ISOC2: variants seen among roughly 807,000 people sequenced by gnomAD.
ISOC2 encodes isochorismatase domain-containing protein 2.
In ISOC2, 15 loss-of-function variants were observed where a neutral mutation model predicts 19.3. That is an observed-to-expected ratio of 0.78 (90% CI 0.52 to 1.20). ISOC2 has a LOEUF of 1.20. Ranked by LOEUF, ISOC2 falls within the 50% of genes most tolerant of loss-of-function variation. The pLI, the probability that ISOC2 is intolerant of heterozygous loss-of-function variation, is 0.00. For synonymous variants in ISOC2, 106 were observed against 115.8 expected (o/e 0.92, Z 0.54); for missense variants, 285 against 272.4 (o/e 1.05, Z -0.33).
intron 5 of ISOC2, 144 bp from the exon 6 acceptor site, chr19:55,453,532 C>G (rs1268634112): frequency 1.9e-6 from 1 of 537,702 alleles, no homozygotes; most frequent in Non-Finnish European, 3.2e-6. Context: ...CTTCTCAAGA[C>G]TTTTCCTGGG....
chr19:55,457,543 A>G (rs1261521724), intron 1 of ISOC2, among the ~76,000 whole-genome samples: 1 of 151,402 alleles, frequency 6.6e-6, no homozygotes, highest in Non-Finnish European at 1.5e-5. Flanking sequence ...TCAAAAAAAA[A>G]AGAGACTGGG....
At chr19:55,454,902 C>T in intron 5 of ISOC2, 87 bp downstream of exon 5, 1 of 1,007,822 alleles carries the variant, frequency 9.9e-7, no homozygotes, top group Non-Finnish European at 1.6e-6. Flanking sequence ...AGGCGGCAGC[C>T]TGCTGGTGCC....
chr19:55,453,276 AGGGT>A lies in ISOC2; in HGVS notation c.*28_*31del. ...CTTCCACTGAGGTCCGGGTGACAGG[AGGGT>A]GGTCTTCCCTCAAGGCAGGGTTGGA... On this transcript the variant is annotated 3_prime_UTR_variant, in exon 6 of 6. Transcript: ENST00000425675. The A allele has an allele frequency of 6.5e-7, 1 of 1,528,730 alleles. No homozygotes were observed. The highest frequency in any genetic ancestry group is 9.0e-7 in the Non-Finnish European group (1 of 1,117,154). 94.7% of individuals were successfully genotyped at this position (1,528,730 alleles called of 1,614,324 possible).
rs1986027666 is a variant in ISOC2 at position 55,455,628 on chromosome 19, C to T, written c.348+8G>A. The T allele has an allele frequency of 1.9e-6, 3 of 1,577,940 alleles. No homozygotes were observed. The highest frequency in any genetic ancestry group is 1.3e-5 in the African/African-American group (1 of 74,154). On this transcript the variant is annotated splice_region_variant and intron_variant, in intron 3 of 5. Coordinates refer to ENST00000425675, the MANE Select transcript of ISOC2 (RefSeq NM_001136201.2). Reference sequence around the variant, plus strand: ...ACGAGGGACCCCTGGGGTCAGTCAGCATCTCACCAAGATGCAGGCCTGTGC... The same window carrying T: ...ACGAGGGACCCCTGGGGTCAGTCAGTATCTCACCAAGATGCAGGCCTGTGC...
intron 1 of ISOC2, chr19:55,459,978 C>A (rs1297184549): frequency 6.6e-6 from 1 of 152,198 alleles, no homozygotes; most frequent in Non-Finnish European, 1.5e-5. Flanking sequence ...ACAACAACTC[C>A]TAGGGACAGC....
rs181907078 is a variant in ISOC2, at chr19:55,457,426, C to T, written c.-3-937G>A. Among the ~76,000 whole-genome samples the T allele has an allele frequency of 2.3e-3, 342 of 151,634 alleles. 1 individual carries two copies. The highest frequency in any genetic ancestry group is 8.1e-3 in the African/African-American group (333 of 41,304). ...GGCGGGTGCCTGTAACCCAGCTGCT[C>T]GGGAGGCTGAGGCAGGAGAATCGCT... is the stretch of plus-strand genomic sequence containing the variant. On this transcript the variant is annotated intron_variant, in intron 1 of 5. Transcript: ENST00000425675.
chr19:55,461,425 G>C (rs1246952102), intron 1 of ISOC2, 87 bp downstream of exon 1: 2 of 152,274 alleles, frequency 1.3e-5, no homozygotes, highest in African/African-American at 4.8e-5. Context: ...ACCTTGGCCC[G>C]GGACGCCCAG....
chr19:55,455,288 C>T lies in ISOC2; in HGVS notation c.391G>A (p.Val131Met). Residue 131 changes from valine to methionine, a missense_variant, in exon 4 of 6, where the codon GTG becomes ATG. Physicochemically the swap from Val to Met is conservative, Grantham distance 21 (BLOSUM62 1). Transcript: ENST00000425675. Reference protein sequence around the residue: ...DLLDRGLQVHVVVDACSSRSQ... With the variant: ...DLLDRGLQVHMVVDACSSRSQ... Reference sequence around the variant, plus strand: ...CGTGAGGAGCAGGCGTCCACCACCACATGGACCTGCAGCCCCCGGTCTAGG... The same window carrying T: ...CGTGAGGAGCAGGCGTCCACCACCATATGGACCTGCAGCCCCCGGTCTAGG... 1 of 1,613,542 alleles carries T rather than the reference C, an allele frequency of 6.2e-7. No homozygotes were observed. The highest frequency in any genetic ancestry group is 8.5e-7 in the Non-Finnish European group (1 of 1,179,692).
chr19:55,454,781 C>CA (rs776634376), intron 5 of ISOC2: 329 of 590,696 alleles, frequency 5.6e-4, no homozygotes, highest in Non-Finnish European at 7.6e-4. Context: ...ATTGCCTCCC[C>CA]CATTTTATTG....
intron 1 of ISOC2, among the ~76,000 whole-genome samples, chr19:55,457,890 G>A (rs1986112991): frequency 6.6e-6 from 1 of 151,896 alleles, no homozygotes; most frequent in Non-Finnish European, 1.5e-5. Flanking sequence ...CTGTGGCCGG[G>A]AGGAATTCAG....
At chr19:55,459,257 C>T (rs751912927) in intron 1 of ISOC2, among the ~76,000 whole-genome samples, 3 of 152,160 alleles carry the variant, frequency 2.0e-5, no homozygotes, top group Admixed American at 6.5e-5. Flanking sequence ...TGAACATAAT[C>T]CATCTACCAT....
chr19:55,455,577 A>G (rs751794869), intron 3 of ISOC2, 59 bp downstream of exon 3: 41 of 1,411,066 alleles, frequency 2.9e-5, no homozygotes, highest in Non-Finnish European at 3.8e-5. Context: ...AGGAGGTTCT[A>G]TTTAGGATGG....
At chr19:55,454,810 GTC>G in intron 5 of ISOC2, 177 bp downstream of exon 5, 3 of 629,030 alleles carry the variant, frequency 4.8e-6, no homozygotes, top group Non-Finnish European at 8.5e-6. Context: ...GGCCCTTATG[GTC>G]CATCTGTGGG....
Position 55,453,196 on chromosome 19 carries a change from G to C in ISOC2, c.*112C>G, listed in dbSNP as rs1263178085. 1.2e-5 allele frequency: 8 copies of C among 669,862 alleles called. No homozygotes were observed. Among genetic ancestry groups the C allele is most frequent in the Non-Finnish European group, 1.9e-5 (8 of 412,970 alleles). 41.5% of individuals were successfully genotyped at this position (669,862 alleles called of 1,614,324 possible). On this transcript the variant is annotated 3_prime_UTR_variant, in exon 6 of 6. Coordinates refer to ENST00000425675, the MANE Select transcript of ISOC2 (RefSeq NM_001136201.2). ...AGCACCCTGCCCCCCCCACAAGGGG[G>C]CGGCACTCCTGGTGGATCGCACCAC...
At chr19:55,456,923 T>C (rs1340846079) in intron 1 of ISOC2, among the ~76,000 whole-genome samples, 3 of 152,038 alleles carry the variant, frequency 2.0e-5, no homozygotes, top group African/African-American at 7.3e-5. Context: ...CCATCCGCCC[T>C]GGTCACCATC....
chr19:55,454,835 AT>A, intron 5 of ISOC2, 153 bp downstream of exon 5: 1 of 676,396 alleles, frequency 1.5e-6, no homozygotes, highest in Non-Finnish European at 2.7e-6. Context: ...CCTTTCATGG[AT>A]TTATGGCAGT....
At chr19:55,454,804 C>T in intron 5 of ISOC2, 185 bp downstream of exon 5, 1 of 621,916 alleles carries the variant, frequency 1.6e-6, no homozygotes, top group Non-Finnish European at 2.9e-6. Flanking sequence ...CTCTGTGGCC[C>T]TTATGGTCCA....
intron 5 of ISOC2, 64 bp from the exon 6 acceptor site, chr19:55,453,452 T>G: frequency 8.7e-7 from 1 of 1,147,574 alleles, no homozygotes; most frequent in East Asian, 2.8e-5. Flanking sequence ...GGATGACAAA[T>G]CTGAGGGACA....
At chr19:55,458,313 T>C (rs1986129218) in intron 1 of ISOC2, among the ~76,000 whole-genome samples, 1 of 152,206 alleles carries the variant, frequency 6.6e-6, no homozygotes, top group Non-Finnish European at 1.5e-5. Flanking sequence ...GCTTGTGCTT[T>C]TGGGTCTCCG....
Sources: allele counts gnomAD v4.1 joint callset (sites outside exome capture counted in the v4.1 genomes callset), GRCh38; gene constraint gnomAD v4.1.1; transcripts MANE v1.5; gene names NCBI Gene and HGNC (gene_info 2026-07-23, HGNC 2026-07-21).